Variants in CIMIP5 observed in about 807,000 individuals in gnomAD.
CIMIP5 encodes uncharacterized protein C2orf50.
At chr2:11,144,117 A>G in the CIMIP5 span, 4 of 1,570,822 alleles carry the variant, frequency 2.5e-6, no homozygotes, top group African/African-American at 5.4e-5. Flanking sequence ...TCTAGGAGCA[A>G]GGAGGGCTGG....
the CIMIP5 span, among the ~76,000 whole-genome samples, chr2:11,149,117 G>A: frequency 6.6e-6 from 1 of 152,194 alleles, no homozygotes; most frequent in South Asian, 2.1e-4. Context: ...AACTGACTTA[G>A]GCAAGAATCA....
chr2:11,139,094 T>A, the CIMIP5 span, among the ~76,000 whole-genome samples: 4 of 151,974 alleles, frequency 2.6e-5, no homozygotes, highest in Admixed American at 1.3e-4. Context: ...ATTTTTGTAT[T>A]TTTGGTGGAG....
the CIMIP5 span, among the ~76,000 whole-genome samples, chr2:11,135,432 T>C: frequency 6.6e-6 from 1 of 152,228 alleles, no homozygotes; most frequent in South Asian, 2.1e-4. Context: ...TTGTGATTTT[T>C]TGTTTTGTTT....
At chr2:11,148,805 G>A in the CIMIP5 span, among the ~76,000 whole-genome samples, 8 of 135,640 alleles carry the variant, frequency 5.9e-5, no homozygotes, top group East Asian at 2.2e-4. Context: ...GTGCGATCTC[G>A]CTCACTGCAA....
chr2:11,147,149 C>T, the CIMIP5 span, among the ~76,000 whole-genome samples: 1 of 152,200 alleles, frequency 6.6e-6, no homozygotes, highest in Admixed American at 6.5e-5. Context: ...GCACATTACC[C>T]ACATTGTGTC....
the CIMIP5 span, among the ~76,000 whole-genome samples, chr2:11,134,273 G>C: frequency 2.0e-5 from 3 of 152,208 alleles, no homozygotes; most frequent in East Asian, 5.8e-4. Context: ...CAGGGAGTGA[G>C]GAAGGCCACA....
chr2:11,148,618 A>C, the CIMIP5 span, among the ~76,000 whole-genome samples: 1 of 139,760 alleles, frequency 7.2e-6, no homozygotes, highest in South Asian at 2.1e-4. Flanking sequence ...GCCCATGCCC[A>C]CCCCCAGCCA....
At chr2:11,143,887 C>T in the CIMIP5 span, 4 of 1,502,448 alleles carry the variant, frequency 2.7e-6, no homozygotes, top group African/African-American at 1.4e-5. Flanking sequence ...TTTTTCCACG[C>T]TCTGTGTGAC....
At chr2:11,144,051 C>G in the CIMIP5 span, 1 of 1,603,446 alleles carries the variant, frequency 6.2e-7, no homozygotes, top group Non-Finnish European at 8.5e-7. Flanking sequence ...TCCGCATGGA[C>G]TTCTTCTTCA....
the CIMIP5 span, among the ~76,000 whole-genome samples, chr2:11,139,874 G>A: frequency 6.8e-6 from 1 of 147,370 alleles, no homozygotes. Context: ...ACCACCTGAG[G>A]TCAGGAATTC....
chr2:11,140,389 A>G, the CIMIP5 span: 1 of 625,484 alleles, frequency 1.6e-6, no homozygotes, highest in South Asian at 4.1e-5. Context: ...AAAAAAAAAA[A>G]AAAAAAAAAT....
chr2:11,152,262 G>T, the CIMIP5 span, among the ~76,000 whole-genome samples: 1 of 152,218 alleles, frequency 6.6e-6, no homozygotes, highest in Non-Finnish European at 1.5e-5. Context: ...TTCTAATCTT[G>T]TAGCTAATTT....
chr2:11,133,348 C>T, the CIMIP5 span: 4 of 1,597,566 alleles, frequency 2.5e-6, no homozygotes, highest in Non-Finnish European at 3.4e-6. Context: ...GGGAGCCACC[C>T]CACCCCTGGG....
chr2:11,133,544 G>A, the CIMIP5 span: 1 of 1,606,730 alleles, frequency 6.2e-7, no homozygotes, highest in South Asian at 1.1e-5. Flanking sequence ...AGCAGGACCA[G>A]CTGTGGCGGG....
At chr2:11,146,401 T>C in the CIMIP5 span, 2 of 152,176 alleles carry the variant, frequency 1.3e-5, no homozygotes, top group African/African-American at 2.4e-5. Context: ...CTCAATGAAT[T>C]GATTCCCCCA....
the CIMIP5 span, chr2:11,133,511 G>C: frequency 6.2e-7 from 1 of 1,608,642 alleles, no homozygotes; most frequent in Non-Finnish European, 8.5e-7. Context: ...GGGTGGCTCA[G>C]GGAGCTGCCT....
chr2:11,148,819 T>G, the CIMIP5 span, among the ~76,000 whole-genome samples: 6 of 145,314 alleles, frequency 4.1e-5, no homozygotes, highest in African/African-American at 1.6e-4. Context: ...ACTGCAACCT[T>G]CGCCTCCTGG....
chr2:11,146,189 T>C, the CIMIP5 span, among the ~76,000 whole-genome samples: 1 of 152,170 alleles, frequency 6.6e-6, no homozygotes, highest in Admixed American at 6.5e-5. Context: ...GTTATTTGCA[T>C]GCATTAACTC....
chr2:11,143,880 T>C, the CIMIP5 span: 1 of 1,481,730 alleles, frequency 6.7e-7, no homozygotes. Context: ...GTCCTCCTTT[T>C]TCCACGCTCT....
Sources: allele counts gnomAD v4.1 joint callset (sites outside exome capture counted in the v4.1 genomes callset), GRCh38; gene constraint gnomAD v4.1.1; transcripts MANE v1.5; gene names NCBI Gene and HGNC (gene_info 2026-07-23, HGNC 2026-07-21).